DLC1: variants seen among roughly 807,000 people sequenced by gnomAD.
DLC1 encodes rho GTPase-activating protein 7.
A neutral mutation model predicts 140.3 loss-of-function variants in DLC1; 54 were observed. The ratio of observed to expected loss-of-function variants is 0.38; its 90% CI spans 0.31 to 0.48. DLC1 has a LOEUF of 0.48. DLC1 is among the 20% of genes least tolerant of loss of function. The probability of loss-of-function intolerance (pLI) is 0.96; values close to 1 mark genes in which losing one functional copy is unlikely to be tolerated. For synonymous variants in DLC1, 986 were observed against 728.1 expected (o/e 1.35, Z -5.70); for missense variants, 2,536 against 1,907.0 (o/e 1.33, Z -6.14).
intron 2 of DLC1, among the ~76,000 whole-genome samples, chr8:13,443,753 A>T (rs1585117521): frequency 6.6e-6 from 1 of 152,212 alleles, no homozygotes; most frequent in African/African-American, 2.4e-5. Context: ...CTCTGTTACA[A>T]TACTTTCCCC....
chr8:13,430,457 G>T (rs777069562), intron 2 of DLC1, among the ~76,000 whole-genome samples: 3 of 152,198 alleles, frequency 2.0e-5, no homozygotes, highest in Admixed American at 6.5e-5. Flanking sequence ...TGTGATGGTT[G>T]TCAGGTGATG....
chr8:13,597,538 G>A (rs944798250), intron 1 of DLC1, among the ~76,000 whole-genome samples: 1 of 151,954 alleles, frequency 6.6e-6, no homozygotes, highest in Admixed American at 6.6e-5. Context: ...TTAAATTAAA[G>A]CTAGCAAGTC....
intron 5 of DLC1, among the ~76,000 whole-genome samples, chr8:13,225,611 A>G (rs1436444579): frequency 6.7e-6 from 1 of 149,036 alleles, no homozygotes. Flanking sequence ...CTTTTTATTT[A>G]TTTAATTTTT....
chr8:13,534,998 C>T (rs1185362346), intron 1 of DLC1, among the ~76,000 whole-genome samples: 1 of 152,078 alleles, frequency 6.6e-6, no homozygotes. Flanking sequence ...TTATCTCTCG[C>T]TAATCACTAA....
chr8:13,211,848 C>G (rs556696367), intron 5 of DLC1, among the ~76,000 whole-genome samples: 2 of 152,028 alleles, frequency 1.3e-5, no homozygotes, highest in African/African-American at 4.8e-5. Flanking sequence ...AGAGTAGAGG[C>G]TTTTTTGGAA....
At chr8:13,246,461 C>T (rs572971724) in intron 5 of DLC1, among the ~76,000 whole-genome samples, 157 of 152,076 alleles carry the variant, frequency 1.0e-3, no homozygotes, top group Non-Finnish European at 1.7e-3. Flanking sequence ...CTTTTTTCTG[C>T]GTAGATTCAC....
At chr8:13,132,178 G>T (rs1206418718) in intron 5 of DLC1, among the ~76,000 whole-genome samples, 4 of 151,294 alleles carry the variant, frequency 2.6e-5, no homozygotes, top group Non-Finnish European at 5.9e-5. Context: ...ACGATTCAGC[G>T]ACCCATCTCC....
chr8:13,552,024 T>C (rs1027898874), intron 1 of DLC1, among the ~76,000 whole-genome samples: 67 of 143,534 alleles, frequency 4.7e-4, no homozygotes, highest in Non-Finnish European at 8.7e-4. Flanking sequence ...TGTGTGTATA[T>C]ATATATGTGT....
intron 5 of DLC1, among the ~76,000 whole-genome samples, chr8:13,167,122 TAC>T (rs1361623254): frequency 2.0e-5 from 3 of 152,130 alleles, no homozygotes; most frequent in African/African-American, 7.2e-5. Flanking sequence ...ATGACCAAAA[TAC>T]CTTTTCTAGT....
Position 13,499,930 on chromosome 8 carries a change from C to T in DLC1, c.142G>A (p.Ala48Thr). 6.2e-7 allele frequency: 1 copy of T among 1,614,092 alleles called. No individual in the cohort carries two copies. ...TCTTTGCGGTCCACATTTAGAGTTG[C>T]ATCTTTTTCCATACTTGCCTGCAAG... ...DSLQASMEKDATLNVDRKEKC... is the reference protein window; with the variant it reads ...DSLQASMEKDTTLNVDRKEKC... Residue 48 changes from alanine to threonine, a missense_variant, in exon 2 of 18, where the codon GCA becomes ACA. Coordinates refer to ENST00000276297, the MANE Select transcript of DLC1 (RefSeq NM_182643.3).
intron 5 of DLC1, among the ~76,000 whole-genome samples, chr8:13,249,528 C>T (rs541761996): frequency 3.9e-4 from 59 of 152,264 alleles, no homozygotes; most frequent in African/African-American, 1.3e-3. Flanking sequence ...GGTGGTTCCT[C>T]CTCCTAGCCA....
chr8:13,194,275 G>A (rs1826927332), intron 5 of DLC1, among the ~76,000 whole-genome samples: 1 of 152,172 alleles, frequency 6.6e-6, no homozygotes, highest in Non-Finnish European at 1.5e-5. Flanking sequence ...AGCTTCCAAG[G>A]CCCTTATGCC....
intron 1 of DLC1, among the ~76,000 whole-genome samples, chr8:13,585,316 C>A (rs1805262176): frequency 6.6e-6 from 1 of 152,012 alleles, no homozygotes; most frequent in African/African-American, 2.4e-5. Context: ...GTAATCCCAG[C>A]ACTTTGAGAG....
At chr8:13,256,334 G>T (rs902809697) in intron 5 of DLC1, among the ~76,000 whole-genome samples, 1 of 152,110 alleles carries the variant, frequency 6.6e-6, no homozygotes, top group Non-Finnish European at 1.5e-5. Flanking sequence ...TTTTAAAGTG[G>T]TTGAACTAGT....
At chr8:13,206,843 G>GCA (rs1827685484) in intron 5 of DLC1, among the ~76,000 whole-genome samples, 1 of 151,926 alleles carries the variant, frequency 6.6e-6, no homozygotes, top group Non-Finnish European at 1.5e-5. Context: ...AACTCGAACA[G>GCA]CACATGACTT....
chr8:13,577,283 G>C (rs1542583), intron 1 of DLC1, among the ~76,000 whole-genome samples: 55,862 of 152,006 alleles, frequency 0.37, 10,321 homozygotes, highest in African/African-American at 0.41. Flanking sequence ...CTATAGAGCT[G>C]CAACTTACCA....
At chr8:13,149,220 C>T (rs1307103133) in intron 5 of DLC1, among the ~76,000 whole-genome samples, 1 of 152,178 alleles carries the variant, frequency 6.6e-6, no homozygotes, top group East Asian at 1.9e-4. Context: ...CTCCATTTGC[C>T]CTTCCTAGTT....
intron 5 of DLC1, among the ~76,000 whole-genome samples, chr8:13,174,214 C>A (rs1178558507): frequency 6.6e-6 from 1 of 152,186 alleles, no homozygotes; most frequent in African/African-American, 2.4e-5. Flanking sequence ...CTTAAGGCTG[C>A]ATACTGTTCC....
At chr8:13,516,774 C>G (rs1321345281), upstream of DLC1, among the ~76,000 whole-genome samples, 3 of 152,138 alleles carry the variant, frequency 2.0e-5, no homozygotes, top group African/African-American at 7.2e-5. Flanking sequence ...AGTGTTTCTA[C>G]TGACAGTATG....
Sources: allele counts gnomAD v4.1 joint callset (sites outside exome capture counted in the v4.1 genomes callset), GRCh38; gene constraint gnomAD v4.1.1; transcripts MANE v1.5; gene names NCBI Gene and HGNC (gene_info 2026-07-23, HGNC 2026-07-21).